Variants in AGBL1 observed in about 807,000 individuals in gnomAD.
AGBL1 encodes AGBL carboxypeptidase 1.
A neutral mutation model predicts 118.9 loss-of-function variants in AGBL1; 130 were observed. The ratio of observed to expected loss-of-function variants is 1.09; its 90% CI spans 0.95 to 1.26. AGBL1 has a LOEUF of 1.26. AGBL1 is among the 50% of genes most tolerant of loss of function. The probability of loss-of-function intolerance (pLI) is 0.00; values close to 1 mark genes in which losing one functional copy is unlikely to be tolerated. For missense variants in AGBL1, 1,584 were observed against 1,298.1 expected (o/e 1.22, Z -3.38); for synonymous variants, 555 against 478.9 (o/e 1.16, Z -2.08).
intron 18 of AGBL1, among the ~76,000 whole-genome samples, chr15:86,407,622 T>C (rs1032915408): frequency 3.9e-5 from 6 of 152,210 alleles, no homozygotes; most frequent in African/African-American, 4.8e-5. Context: ...ATTGAAGGTA[T>C]GATTTTTGTT....
At chr15:86,375,059 C>T (rs1422440225) in intron 17 of AGBL1, among the ~76,000 whole-genome samples, 1 of 152,214 alleles carries the variant, frequency 6.6e-6, no homozygotes, top group African/African-American at 2.4e-5. Flanking sequence ...CTTCTCTACT[C>T]AGCCACTTGG....
intron 22 of AGBL1, among the ~76,000 whole-genome samples, chr15:86,872,002 ATT>A (rs1374230155): frequency 6.6e-6 from 1 of 152,186 alleles, no homozygotes; most frequent in Non-Finnish European, 1.5e-5. Context: ...TCATATCTCC[ATT>A]TTCTCATTCA....
At position 86,561,033 on chromosome 15, in the gene AGBL1, T is replaced by C. The variant is rs566452614; in HGVS notation, c.2994+6496T>C. ...TTGAGTTCTTTGTAGATTCTGAATA[T>C]TAGCCCTTTGTCAGATGAGTAGATT... On this transcript the variant is annotated intron_variant, in intron 21 of 22. Transcript: ENST00000614907. Among the ~76,000 whole-genome samples the C allele has an allele frequency of 3.9e-5, 6 of 152,356 alleles. No individual in the cohort carries two copies. In the East Asian group the frequency reaches 9.6e-4, roughly 24 times the overall value.
intron 17 of AGBL1, among the ~76,000 whole-genome samples, chr15:86,380,449 C>A (rs566124276): frequency 6.6e-6 from 1 of 151,714 alleles, no homozygotes; most frequent in East Asian, 1.9e-4. Context: ...CTGAGCCCGG[C>A]CCTTTCCTTC....
At chr15:86,223,862 TA>T (rs2078317436) in intron 5 of AGBL1, among the ~76,000 whole-genome samples, 1 of 152,202 alleles carries the variant, frequency 6.6e-6, no homozygotes, top group South Asian at 2.1e-4. Context: ...TGTTGTTCAG[TA>T]TTAGCTAATA....
rs76924080 is a variant in AGBL1, at chr15:86,863,429, C to T, written c.3159-43658C>T. On this transcript the variant is annotated intron_variant, in intron 22 of 22. Coordinates refer to ENST00000614907, the MANE Select transcript of AGBL1 (RefSeq NM_001386094.1). ...GTGACTCAGGCTCTAGATTCAAGCC[C>T]TTGAGGCCTAATGGATGTCTCATCC... 3.3e-3 allele frequency among the ~76,000 whole-genome samples: 507 copies of T among 152,190 alleles called. 2 individuals carry two copies. Among genetic ancestry groups the T allele is most frequent in the African/African-American group, 0.012 (495 of 41,534 alleles).
chr15:86,637,796 C>A (rs1264092333), intron 21 of AGBL1, among the ~76,000 whole-genome samples: 1 of 152,096 alleles, frequency 6.6e-6, no homozygotes, highest in African/African-American at 2.4e-5. Context: ...AGACTGTTTG[C>A]TTTTATATTG....
At chr15:86,253,178 A>G (rs1393534620) in intron 7 of AGBL1, among the ~76,000 whole-genome samples, 1 of 152,210 alleles carries the variant, frequency 6.6e-6, no homozygotes, top group Non-Finnish European at 1.5e-5. Flanking sequence ...AGTTGGAGTC[A>G]TGGGCAGTGC....
chr15:86,095,115 G>C (rs899252130), intron 1 of AGBL1, among the ~76,000 whole-genome samples: 11 of 152,174 alleles, frequency 7.2e-5, no homozygotes, highest in Non-Finnish European at 1.3e-4. Flanking sequence ...GAGGTACATA[G>C]AGGAGGTCTG....
intron 18 of AGBL1, among the ~76,000 whole-genome samples, chr15:86,411,987 G>C (rs562866150): frequency 1.1e-4 from 16 of 152,246 alleles, no homozygotes; most frequent in African/African-American, 3.9e-4. Context: ...CCCACTCCTA[G>C]CTGACTTATC....
At chr15:86,438,834 A>G (rs4887231) in intron 18 of AGBL1, among the ~76,000 whole-genome samples, 64,711 of 151,456 alleles carry the variant, frequency 0.43, 14,445 homozygotes, top group East Asian at 0.82. Context: ...GCTAATTTTT[A>G]TATTTTTAGT....
chr15:86,600,435 G>A (rs375642667), intron 21 of AGBL1, among the ~76,000 whole-genome samples: 1 of 152,120 alleles, frequency 6.6e-6, no homozygotes, highest in Non-Finnish European at 1.5e-5. Context: ...ATATCTTAAA[G>A]GTCTTGCAAA....
At chr15:86,788,919 C>T (rs57175955) in intron 22 of AGBL1, among the ~76,000 whole-genome samples, 1 of 152,116 alleles carries the variant, frequency 6.6e-6, no homozygotes, top group East Asian at 1.9e-4. Context: ...TTGGGGTTCA[C>T]AGATAAGCAC....
intron 5 of AGBL1, among the ~76,000 whole-genome samples, chr15:86,219,231 A>T (rs1326567738): frequency 6.6e-6 from 1 of 152,044 alleles, no homozygotes; most frequent in Non-Finnish European, 1.5e-5. Context: ...CCACTTCCTC[A>T]CTTGGTACCC....
chr15:86,660,531 T>C (rs1175565105), intron 21 of AGBL1, among the ~76,000 whole-genome samples: 3 of 152,168 alleles, frequency 2.0e-5, no homozygotes, highest in African/African-American at 7.2e-5. Flanking sequence ...CCCTTAAAGT[T>C]AATTGTATTA....
At chr15:86,172,924 A>G (rs1254781290) in intron 5 of AGBL1, among the ~76,000 whole-genome samples, 1 of 152,076 alleles carries the variant, frequency 6.6e-6, no homozygotes. Context: ...CAAAACCTGC[A>G]TATTGTTTTC....
intron 17 of AGBL1, among the ~76,000 whole-genome samples, chr15:86,325,083 T>C (rs1179445137): frequency 6.6e-6 from 1 of 152,138 alleles, no homozygotes; most frequent in Non-Finnish European, 1.5e-5. Context: ...CAGTGGAGAA[T>C]GTTTAAAGGG....
At chr15:86,214,533 G>A (rs981491053) in intron 5 of AGBL1, among the ~76,000 whole-genome samples, 2 of 152,174 alleles carry the variant, frequency 1.3e-5, no homozygotes, top group African/African-American at 2.4e-5. Flanking sequence ...TATTTTAAGG[G>A]TAATGTTTGC....
chr15:86,365,035 A>ATG (rs2080866783), intron 17 of AGBL1, among the ~76,000 whole-genome samples: 1 of 92,618 alleles, frequency 1.1e-5, no homozygotes, highest in African/African-American at 4.2e-5. Context: ...ATACACACAC[A>ATG]TATATATACA....
Sources: allele counts gnomAD v4.1 joint callset (sites outside exome capture counted in the v4.1 genomes callset), GRCh38; gene constraint gnomAD v4.1.1; transcripts MANE v1.5; gene names NCBI Gene and HGNC (gene_info 2026-07-23, HGNC 2026-07-21).